The following SKI variants were observed in gnomAD, a reference collection of about 807,000 sequenced individuals.
SKI encodes the protein ski oncogene.
A neutral mutation model predicts 59.3 loss-of-function variants in SKI; 23 were observed. The ratio of observed to expected loss-of-function variants is 0.39; its 90% CI spans 0.28 to 0.55. The LOEUF is 0.55. Among genes scored for constraint, SKI ranks in the 20% least tolerant of loss-of-function variants. SKI has a pLI of 0.67. For synonymous variants in SKI, 673 were observed against 488.6 expected (o/e 1.38, Z -4.98); for missense variants, 1,017 against 1,038.9 (o/e 0.98, Z 0.29).
intron 1 of SKI, among the ~76,000 whole-genome samples, chr1:2,263,929 A>G (rs1180105682): frequency 1.3e-5 from 2 of 151,536 alleles, no homozygotes; most frequent in Admixed American, 1.3e-4. Context: ...TAATCCTAGC[A>G]CTTTGGGAGG....
chr1:2,305,558 C>G (rs1371179711), intron 5 of SKI, among the ~76,000 whole-genome samples: 1 of 152,162 alleles, frequency 6.6e-6, no homozygotes, highest in African/African-American at 2.4e-5. Flanking sequence ...GTGTGAGTCA[C>G]ACGGATATTT....
intron 1 of SKI, among the ~76,000 whole-genome samples, chr1:2,274,706 T>C (rs1639703477): frequency 6.6e-6 from 1 of 152,208 alleles, no homozygotes; most frequent in South Asian, 2.1e-4. Flanking sequence ...TTGATGGGAC[T>C]TGAAGGGGCC....
intron 1 of SKI, among the ~76,000 whole-genome samples, chr1:2,236,170 C>T (rs1638746370): frequency 6.6e-6 from 1 of 152,174 alleles, no homozygotes; most frequent in South Asian, 2.1e-4. Context: ...CCTTCTTGGG[C>T]TGCCTCTGCT....
Position 2,268,289 on chromosome 1 carries a change from G to A in SKI, c.970-34689G>A, listed in dbSNP as rs1354496233. Among the ~76,000 whole-genome samples, 1 of 152,200 alleles carries A rather than the reference G, an allele frequency of 6.6e-6. No homozygotes were observed. The highest frequency in any genetic ancestry group is 1.5e-5 in the Non-Finnish European group (1 of 68,022). On this transcript the variant is annotated intron_variant, in intron 1 of 6. Transcript: ENST00000378536. The surrounding 1 kb of genome is among the most constrained non-coding windows in gnomAD (Gnocchi z 5.0). ...TGCCTCCCAGGGGGCTGTGTAGCCA[G>A]GTGTCTCAGAGGGCTCAGGGCTCCT...
Position 2,309,636 on chromosome 1 carries a change from C to A in SKI, c.*2871C>A, listed in dbSNP as rs1482556509. On this transcript the variant is annotated 3_prime_UTR_variant, in exon 7 of 7. Coordinates refer to ENST00000378536, the MANE Select transcript of SKI (RefSeq NM_003036.4). ...AAACCCATGTGCGTTTCCCATGTGACCCCCTCCTCCCTGTGGGTCTGAGCC... is the reference window on the plus strand; with the variant it reads ...AAACCCATGTGCGTTTCCCATGTGAACCCCTCCTCCCTGTGGGTCTGAGCC... 1 of 151,220 alleles carries A rather than the reference C, an allele frequency of 6.6e-6. No individual in the cohort carries two copies. Among genetic ancestry groups the A allele is most frequent in the Non-Finnish European group, 1.5e-5 (1 of 67,784 alleles). 9.4% of individuals were successfully genotyped at this position (151,220 alleles called of 1,614,324 possible).
chr1:2,258,860 T>C (rs1439065388), intron 1 of SKI, among the ~76,000 whole-genome samples: 2 of 152,170 alleles, frequency 1.3e-5, no homozygotes, highest in Admixed American at 6.5e-5. Flanking sequence ...GCTCATGTTT[T>C]ATCTGAGGTG....
At position 2,229,478 on chromosome 1, in the gene SKI, A is replaced by G. The variant is rs1457134961; in HGVS notation, c.712A>G (p.Ser238Gly). Reference sequence around the variant, plus strand: ...GGGGCTGCTGGTGCCCGAGCTCTACAGCAGCCCGAGCGCCGCCTGCATCCA... The same window carrying G: ...GGGGCTGCTGGTGCCCGAGCTCTACGGCAGCCCGAGCGCCGCCTGCATCCA... Reference protein sequence around the residue: ...CKGLLVPELYSSPSAACIQCL... With the variant: ...CKGLLVPELYGSPSAACIQCL... Residue 238 changes from serine to glycine, a missense_variant, in exon 1 of 7, where the codon AGC becomes GGC. Transcript: ENST00000378536. The surrounding 1 kb of genome is among the most constrained non-coding windows in gnomAD (Gnocchi z 6.3). 1 of 1,611,556 alleles carries G rather than the reference A, an allele frequency of 6.2e-7. No individual in the cohort carries two copies. Among genetic ancestry groups the G allele is most frequent in the Non-Finnish European group, 8.5e-7 (1 of 1,179,846 alleles).
At chr1:2,266,423 C>T (rs1005122922) in intron 1 of SKI, among the ~76,000 whole-genome samples, 6 of 152,194 alleles carry the variant, frequency 3.9e-5, no homozygotes, top group Non-Finnish European at 8.8e-5. Flanking sequence ...GAATTGTCAG[C>T]TCCATCTCAA....
chr1:2,246,548 C>T (rs917060790), intron 1 of SKI, among the ~76,000 whole-genome samples: 4 of 152,110 alleles, frequency 2.6e-5, no homozygotes, highest in Admixed American at 6.6e-5. Context: ...AGCGTCTCGG[C>T]GCCAGATTCA....
chr1:2,244,982 A>G (rs949732188), intron 1 of SKI, among the ~76,000 whole-genome samples: 3 of 152,254 alleles, frequency 2.0e-5, no homozygotes, highest in Non-Finnish European at 4.4e-5. Flanking sequence ...TCTAACAATA[A>G]TATATACGCA....
At chr1:2,254,055 C>T (rs1441012412) in intron 1 of SKI, among the ~76,000 whole-genome samples, 2 of 152,246 alleles carry the variant, frequency 1.3e-5, no homozygotes, top group Admixed American at 6.5e-5. Context: ...CCGGAGCTGC[C>T]TCATGTGGCT....
At chr1:2,279,106 C>A (rs1639812208) in intron 1 of SKI, among the ~76,000 whole-genome samples, 4 of 152,172 alleles carry the variant, frequency 2.6e-5, no homozygotes. Context: ...CTCCTGGTGT[C>A]CCGGAGGGGC....
At chr1:2,288,582 C>T (rs765661925) in intron 1 of SKI, among the ~76,000 whole-genome samples, 2 of 152,308 alleles carry the variant, frequency 1.3e-5, no homozygotes, top group Non-Finnish European at 2.9e-5. Flanking sequence ...TTTGCATGCG[C>T]GTGAGACCCC....
chr1:2,255,835 T>A (rs1639262284), intron 1 of SKI, among the ~76,000 whole-genome samples: 1 of 151,986 alleles, frequency 6.6e-6, no homozygotes, highest in South Asian at 2.1e-4. Context: ...TGACCTCATT[T>A]CCTGTCTGGA....
At chr1:2,242,932 G>T (rs1638911644) in intron 1 of SKI, among the ~76,000 whole-genome samples, 2 of 152,264 alleles carry the variant, frequency 1.3e-5, no homozygotes, top group South Asian at 4.1e-4. Context: ...TGACATGCTT[G>T]TAAGAAGTAA....
At chr1:2,274,689 CAGTT>C (rs887034759) in intron 1 of SKI, among the ~76,000 whole-genome samples, 10 of 152,196 alleles carry the variant, frequency 6.6e-5, no homozygotes, top group Admixed American at 3.9e-4. Flanking sequence ...TGAGCCATGA[CAGTT>C]GGTTGATGGG....
intron 1 of SKI, among the ~76,000 whole-genome samples, chr1:2,251,661 G>T (rs894516448): frequency 1.3e-5 from 2 of 152,238 alleles, no homozygotes; most frequent in Non-Finnish European, 2.9e-5. Context: ...CTGGCGCCGG[G>T]CAGTGGGAGA....
chr1:2,258,512 T>C (rs1360465221), intron 1 of SKI, among the ~76,000 whole-genome samples: 1 of 151,968 alleles, frequency 6.6e-6, no homozygotes, highest in African/African-American at 2.4e-5. Context: ...CCTTTTTTTT[T>C]TTTTTTTCTC....
At chr1:2,298,594 G>A (rs550997976) in intron 1 of SKI, among the ~76,000 whole-genome samples, 6 of 152,302 alleles carry the variant, frequency 3.9e-5, no homozygotes, top group South Asian at 2.1e-4. Flanking sequence ...ACGGGGTCCC[G>A]TTTACCAATG....
Sources: gnomAD v4.1 joint callset for allele counts (sites outside exome capture counted in the v4.1 genomes callset) on GRCh38, gnomAD v4.1.1 for gene constraint, Gnocchi (gnomAD v3.1) non-coding constraint, MANE v1.5 for transcripts, NCBI Gene and HGNC (gene_info 2026-07-23, HGNC 2026-07-21) for gene names.